CORO2B: variants seen among roughly 807,000 people sequenced by gnomAD.
CORO2B encodes coronin-2B.
Under a neutral mutation model 58.8 loss-of-function variants are expected in CORO2B, and 26 were observed. That is an observed-to-expected ratio of 0.44 (90% CI 0.32 to 0.61). The LOEUF (loss-of-function observed/expected upper bound fraction) is 0.61, where lower values mean the gene tolerates loss of function less well. Among genes scored for constraint, CORO2B ranks in the 20% least tolerant of loss-of-function variants. The pLI, the probability that CORO2B is intolerant of heterozygous loss-of-function variation, is 0.04. For missense variants in CORO2B, 460 were observed against 645.1 expected (o/e 0.71, Z 3.11); for synonymous variants, 242 against 253.8 (o/e 0.95, Z 0.44).
rs560951490 is a variant in CORO2B at position 68,625,560 on chromosome 15, C to G, written c.16-19600C>G. Among the ~76,000 whole-genome samples, 31 of 152,072 alleles carry G rather than the reference C, an allele frequency of 2.0e-4. No individual in the cohort carries two copies. In the South Asian group the frequency reaches 6.4e-3, roughly 32 times the overall value. ...AATCATTGGGTATGCAGCCTTTGAGCCTGCTTGTGCACTCCGTTACAGGTT... is the reference window on the plus strand; with the variant it reads ...AATCATTGGGTATGCAGCCTTTGAGGCTGCTTGTGCACTCCGTTACAGGTT... On this transcript the variant is annotated intron_variant, in intron 1 of 11. Transcript: ENST00000261861.
chr15:68,660,430 G>GCATGAT (rs1316499109), intron 2 of CORO2B, among the ~76,000 whole-genome samples: 4 of 152,104 alleles, frequency 2.6e-5, no homozygotes, highest in African/African-American at 9.7e-5. Flanking sequence ...GAGTGCAGTG[G>GCATGAT]CATGATCATG....
At chr15:68,641,539 A>G (rs1901228660) in intron 1 of CORO2B, 3 of 985,334 alleles carry the variant, frequency 3.0e-6, no homozygotes, top group Non-Finnish European at 2.4e-6. Flanking sequence ...CAGATGGGAA[A>G]ACAGGCACAG....
At chr15:68,582,871 G>A (rs562245729) in intron 1 of CORO2B, among the ~76,000 whole-genome samples, 1 of 152,182 alleles carries the variant, frequency 6.6e-6, no homozygotes, top group Non-Finnish European at 1.5e-5. Flanking sequence ...ACGCTAGTGA[G>A]CTGAATGCTT....
At position 68,579,237 on chromosome 15, in the gene CORO2B, C is replaced by T. The variant is rs960887758; in HGVS notation, c.-26C>T. ...GCCGCCCCCGCACGCCGCGCCCGCG[C>T]CCCCGCTCCGCCGCGGAGTTTCTGC... On this transcript the variant is annotated 5_prime_UTR_variant, in exon 1 of 12. Coordinates refer to ENST00000261861, the MANE Select transcript of CORO2B (RefSeq NM_006091.5). 4.3e-5 allele frequency: 50 copies of T among 1,156,046 alleles called. No individual in the cohort carries two copies. The East Asian group carries it at 7.7e-4, about 18-fold the overall frequency. 71.6% of individuals were successfully genotyped at this position (1,156,046 alleles called of 1,614,324 possible). A position where few individuals can be genotyped will look rare whatever the true frequency, so the allele number is the denominator to read the frequency against.
chr15:68,552,551 C>T, the CORO2B span, among the ~76,000 whole-genome samples: 1 of 152,110 alleles, frequency 6.6e-6, no homozygotes, highest in Admixed American at 6.5e-5. Context: ...CAGAGGGAGT[C>T]TGTGTGCAGA....
At chr15:68,563,489 A>T in the CORO2B span, among the ~76,000 whole-genome samples, 24 of 11,452 alleles carry the variant, frequency 2.1e-3, no homozygotes, top group South Asian at 0.015. Context: ...TCTGTCTTTA[A>T]AAAAAAAAAA....
Position 68,705,275 on chromosome 15 carries a change from T to C in CORO2B, c.334-5457T>C, listed in dbSNP as rs537102097. 1.6e-3 allele frequency among the ~76,000 whole-genome samples: 246 copies of C among 151,932 alleles called. 2 individuals carry two copies. Among genetic ancestry groups the C allele is most frequent in the African/African-American group, 5.8e-3 (241 of 41,440 alleles). On this transcript the variant is annotated intron_variant, in intron 3 of 11. Coordinates refer to ENST00000261861, the MANE Select transcript of CORO2B (RefSeq NM_006091.5). ...CAACATGGCGAAACCTTATCTCTAC[T>C]AAAAATACAAAAATTAGCTGGGCGT... is the stretch of plus-strand genomic sequence containing the variant.
the CORO2B span, among the ~76,000 whole-genome samples, chr15:68,528,877 G>C: frequency 1.4e-4 from 21 of 152,080 alleles, no homozygotes; most frequent in South Asian, 3.7e-3. Flanking sequence ...TTCCAATTTT[G>C]CTTAAATTTT....
At chr15:68,662,789 C>G (rs1219656396) in intron 2 of CORO2B, among the ~76,000 whole-genome samples, 1 of 152,114 alleles carries the variant, frequency 6.6e-6, no homozygotes, top group African/African-American at 2.4e-5. Context: ...CAAATGACAC[C>G]ATGTATGATC....
At chr15:68,643,083 G>A (rs1016480276) in intron 1 of CORO2B, among the ~76,000 whole-genome samples, 11 of 152,216 alleles carry the variant, frequency 7.2e-5, no homozygotes, top group African/African-American at 2.7e-4. Flanking sequence ...CACATTAGCA[G>A]TAGTATCTGT....
chr15:68,586,623 C>T (rs781525935), intron 1 of CORO2B, among the ~76,000 whole-genome samples: 16 of 152,208 alleles, frequency 1.1e-4, no homozygotes, highest in Non-Finnish European at 1.8e-4. Context: ...GACACAGGCA[C>T]AGAGAAGCTA....
At chr15:68,664,021 T>C (rs1341727479) in intron 2 of CORO2B, among the ~76,000 whole-genome samples, 1 of 152,220 alleles carries the variant, frequency 6.6e-6, no homozygotes, top group African/African-American at 2.4e-5. Flanking sequence ...CAAGTGTTGA[T>C]GAGGATGAGG....
intron 1 of CORO2B, among the ~76,000 whole-genome samples, chr15:68,642,296 C>G (rs1566993073): frequency 6.6e-6 from 1 of 152,118 alleles, no homozygotes; most frequent in Admixed American, 6.5e-5. Context: ...TCTAGGTGTG[C>G]GTGGCTTCCA....
At chr15:68,551,627 C>A in the CORO2B span, among the ~76,000 whole-genome samples, 5 of 152,138 alleles carry the variant, frequency 3.3e-5, no homozygotes, top group African/African-American at 9.7e-5. Flanking sequence ...GCAGCCCAGA[C>A]CCCCAGAGCC....
At chr15:68,643,134 G>A (rs564151560) in intron 1 of CORO2B, among the ~76,000 whole-genome samples, 1 of 152,288 alleles carries the variant, frequency 6.6e-6, no homozygotes, top group Admixed American at 6.5e-5. Context: ...TTTTTCTAAA[G>A]CAATTTAAAA....
chr15:68,620,479 C>A (rs1258398575), intron 1 of CORO2B, among the ~76,000 whole-genome samples: 1 of 152,146 alleles, frequency 6.6e-6, no homozygotes. Flanking sequence ...TAAACTGAGG[C>A]CCAGAAAGGA....
intron 1 of CORO2B, among the ~76,000 whole-genome samples, chr15:68,587,897 C>G (rs1899606492): frequency 1.3e-5 from 2 of 152,132 alleles, no homozygotes; most frequent in African/African-American, 2.4e-5. Flanking sequence ...TGGGAATGAC[C>G]CGGAAATATG....
intron 1 of CORO2B, chr15:68,632,475 T>G (rs927140530): frequency 2.1e-6 from 2 of 970,944 alleles, no homozygotes; most frequent in Non-Finnish European, 2.4e-6. Flanking sequence ...TTCTGGCTCT[T>G]AAGATATTTT....
intron 2 of CORO2B, among the ~76,000 whole-genome samples, chr15:68,649,926 G>A (rs1375932190): frequency 6.6e-6 from 1 of 152,110 alleles, no homozygotes; most frequent in African/African-American, 2.4e-5. Context: ...TCTTATTATT[G>A]GGAAAATACT....
Sources: gnomAD v4.1 joint callset for allele counts (sites outside exome capture counted in the v4.1 genomes callset) on GRCh38, gnomAD v4.1.1 for gene constraint, MANE v1.5 for transcripts, NCBI Gene and HGNC (gene_info 2026-07-23, HGNC 2026-07-21) for gene names.